TLN2: variants seen among roughly 807,000 people sequenced by gnomAD.
TLN2 encodes the protein talin-2.
Under a neutral mutation model 294.7 loss-of-function variants are expected in TLN2, and 118 were observed. The observed-to-expected ratio is 0.40, with a 90% CI of 0.34 to 0.47. The LOEUF (loss-of-function observed/expected upper bound fraction) is 0.47, where lower values mean the gene tolerates loss of function less well. Ranked by LOEUF, TLN2 falls within the 20% of genes least tolerant of loss-of-function variation. The probability of loss-of-function intolerance (pLI) is 0.84; values close to 1 mark genes in which losing one functional copy is unlikely to be tolerated. For missense variants in TLN2, 3,083 were observed against 3,282.2 expected (o/e 0.94, Z 1.48); for synonymous variants, 1,431 against 1,304.5 (o/e 1.10, Z -2.09).
At position 62,776,868 on chromosome 15, in the gene TLN2, G is replaced by A. The variant is rs1365082040; in HGVS notation, c.5472G>A (p.Leu1824=). 6.3e-7 allele frequency: 1 copy of A among 1,597,000 alleles called. No homozygotes were observed. Among genetic ancestry groups the A allele is most frequent in the Non-Finnish European group, 8.5e-7 (1 of 1,171,362 alleles). The change falls in exon 43 of 59, where the codon CTG becomes CTA. Residue 1824 remains leucine (L), a synonymous_variant. Coordinates refer to ENST00000636159, the MANE Select transcript of TLN2 (RefSeq NM_015059.3). The stretch of plus-strand genomic sequence containing the variant: ...ACGAAGCTGCCAGTGAAGTGGGGCT[G>A]GTTGGGGGCATGGTGGACGCCATTG... ...TLNEAASEVG[L]VGGMVDAIAE...
chr15:62,737,361 G>A (rs2140959101), intron 29 of TLN2, among the ~76,000 whole-genome samples: 1 of 152,340 alleles, frequency 6.6e-6, no homozygotes, highest in African/African-American at 2.4e-5. Context: ...TCAGAGCCAG[G>A]ACATAACATG....
chr15:62,646,898 C>A (rs2051931960), intron 3 of TLN2, among the ~76,000 whole-genome samples: 1 of 152,136 alleles, frequency 6.6e-6, no homozygotes, highest in Admixed American at 6.5e-5. Flanking sequence ...GTCATAGGTG[C>A]CCAAGGCTCT....
chr15:62,718,890 G>T (rs760944819), intron 24 of TLN2, among the ~76,000 whole-genome samples: 1 of 152,214 alleles, frequency 6.6e-6, no homozygotes, highest in African/African-American at 2.4e-5. Context: ...GGATTGAGAT[G>T]GAGAGGGGAG....
chr15:62,392,207 T>G (rs1040212231), intron 1 of TLN2, among the ~76,000 whole-genome samples: 3 of 152,182 alleles, frequency 2.0e-5, no homozygotes, highest in Non-Finnish European at 2.9e-5. Context: ...GTGGGGAAAC[T>G]TGGATTCTTG....
intron 1 of TLN2, among the ~76,000 whole-genome samples, chr15:62,549,512 C>T (rs1258521875): frequency 6.6e-6 from 1 of 151,402 alleles, no homozygotes; most frequent in Non-Finnish European, 1.5e-5. Flanking sequence ...ATCCATCCAT[C>T]CATCCATCCA....
intron 1 of TLN2, among the ~76,000 whole-genome samples, chr15:62,469,921 C>T (rs1261019095): frequency 2.6e-5 from 4 of 151,964 alleles, no homozygotes; most frequent in South Asian, 2.1e-4. Context: ...ATGGCTCTTG[C>T]GTGTGGGTGT....
chr15:62,667,929 C>T (rs2054914870), intron 9 of TLN2, among the ~76,000 whole-genome samples: 1 of 152,154 alleles, frequency 6.6e-6, no homozygotes, highest in South Asian at 2.1e-4. Context: ...ATTATTATGT[C>T]CTCTGAGTGA....
chr15:62,619,512 A>G (rs539844830), intron 3 of TLN2, among the ~76,000 whole-genome samples: 1 of 152,328 alleles, frequency 6.6e-6, no homozygotes, highest in East Asian at 1.9e-4. Context: ...GAATAGTGTG[A>G]CCCACCTGCC....
intron 52 of TLN2, 55 bp from the exon 53 acceptor site, chr15:62,819,461 C>G: frequency 6.9e-7 from 1 of 1,445,750 alleles, no homozygotes; most frequent in Non-Finnish European, 9.7e-7. Flanking sequence ...GTGCTTCTTT[C>G]CTGTCCCAGT....
intron 1 of TLN2, among the ~76,000 whole-genome samples, chr15:62,442,031 A>C (rs1257774420): frequency 1.3e-5 from 2 of 152,112 alleles, no homozygotes; most frequent in Non-Finnish European, 2.9e-5. Flanking sequence ...TAGTGCTGTG[A>C]GTTGTTCTAA....
intron 29 of TLN2, among the ~76,000 whole-genome samples, chr15:62,737,407 T>C (rs1258899060): frequency 6.6e-6 from 1 of 152,252 alleles, no homozygotes; most frequent in Non-Finnish European, 1.5e-5. Context: ...GCTATATTGC[T>C]GTTCCTTGCC....
intron 45 of TLN2, among the ~76,000 whole-genome samples, chr15:62,785,877 G>A (rs565257313): frequency 4.5e-4 from 68 of 152,212 alleles, no homozygotes; most frequent in African/African-American, 1.5e-3. Flanking sequence ...TTGAACCAAA[G>A]TATAAAATAA....
At chr15:62,650,298 A>G (rs1371533789) in intron 5 of TLN2, 117 bp downstream of exon 5, 2 of 1,010,784 alleles carry the variant, frequency 2.0e-6, no homozygotes, top group Non-Finnish European at 2.9e-6. Flanking sequence ...AGTTCGATGC[A>G]TTGTACTTTG....
At chr15:62,391,940 C>T (rs1418463529) in intron 1 of TLN2, among the ~76,000 whole-genome samples, 1 of 152,348 alleles carries the variant, frequency 6.6e-6, no homozygotes, top group East Asian at 1.9e-4. Flanking sequence ...AGCGTTCTCC[C>T]GGTGCCCGGG....
At chr15:62,591,951 G>A (rs1449233457) in intron 2 of TLN2, among the ~76,000 whole-genome samples, 1 of 152,128 alleles carries the variant, frequency 6.6e-6, no homozygotes, top group Admixed American at 6.5e-5. Context: ...AAAGACCTGG[G>A]GCACAGTGGC....
intron 3 of TLN2, among the ~76,000 whole-genome samples, chr15:62,643,965 A>G (rs1005236227): frequency 5.9e-5 from 9 of 152,120 alleles, no homozygotes; most frequent in African/African-American, 2.2e-4. Context: ...TAACTTCCCT[A>G]TGGAGTTTAC....
chr15:62,505,540 G>A (rs888013163), intron 1 of TLN2, among the ~76,000 whole-genome samples: 4 of 152,236 alleles, frequency 2.6e-5, no homozygotes, highest in African/African-American at 9.6e-5. Context: ...CTCTAATTGG[G>A]GTCTGCAGGC....
chr15:62,741,769 CTT>C (rs1555495694), intron 32 of TLN2, among the ~76,000 whole-genome samples: 1 of 12,076 alleles, frequency 8.3e-5, no homozygotes, highest in Non-Finnish European at 2.1e-4. Flanking sequence ...GTGTGTGTGT[CTT>C]TATGTCTCCC....
chr15:62,763,455 A>G, intron 39 of TLN2, 108 bp from the exon 40 acceptor site: 1 of 1,441,270 alleles, frequency 6.9e-7, no homozygotes, highest in Non-Finnish European at 9.2e-7. Context: ...AAAGGAGGTG[A>G]CTGTGTCAGG....
Sources: gnomAD v4.1 joint callset for allele counts (sites outside exome capture counted in the v4.1 genomes callset) on GRCh38, gnomAD v4.1.1 for gene constraint, MANE v1.5 for transcripts, NCBI Gene and HGNC (gene_info 2026-07-23, HGNC 2026-07-21) for gene names.